The following APP variants were observed in gnomAD, a reference collection of about 807,000 sequenced individuals.
APP encodes amyloid-beta precursor protein.
Under a neutral mutation model 101.4 loss-of-function variants are expected in APP, and 31 were observed. That is an observed-to-expected ratio of 0.31 (90% CI 0.23 to 0.41). The LOEUF (loss-of-function observed/expected upper bound fraction) is 0.41. Among genes scored for constraint, APP ranks in the 10% least tolerant of loss-of-function variants. The probability of loss-of-function intolerance (pLI) is 1.00; values close to 1 mark genes in which losing one functional copy is unlikely to be tolerated. For missense variants in APP, 839 were observed against 1,003.7 expected (o/e 0.84, Z 2.22); for synonymous variants, 366 against 364.4 (o/e 1.00, Z -0.05).
intron 3 of APP, among the ~76,000 whole-genome samples, chr21:26,066,961 A>T (rs1367552218): frequency 6.6e-6 from 1 of 152,240 alleles, no homozygotes; most frequent in Non-Finnish European, 1.5e-5. Context: ...ACATAATTTG[A>T]TAAGAGATCA....
At chr21:26,009,290 T>C (rs2043675108) in intron 6 of APP, among the ~76,000 whole-genome samples, 1 of 152,220 alleles carries the variant, frequency 6.6e-6, no homozygotes, top group Admixed American at 6.5e-5. Flanking sequence ...ACAACTTAAT[T>C]TGAACAGATT....
At chr21:26,021,724 A>G (rs2044346057) in intron 6 of APP, 116 bp downstream of exon 6, 9 of 1,451,800 alleles carry the variant, frequency 6.2e-6, no homozygotes, top group Non-Finnish European at 8.3e-6. Flanking sequence ...CCTTTTGGAA[A>G]AAAAAACATG....
intron 3 of APP, among the ~76,000 whole-genome samples, chr21:26,060,766 A>T (rs1017179806): frequency 6.6e-6 from 1 of 152,216 alleles, no homozygotes; most frequent in Non-Finnish European, 1.5e-5. Context: ...TTCTAGCCAG[A>T]GGAAGCAACA....
intron 6 of APP, chr21:26,009,638 A>G (rs1601194856): frequency 6.9e-6 from 1 of 144,522 alleles, no homozygotes; most frequent in Non-Finnish European, 1.5e-5. Flanking sequence ...CACCCAGGCT[A>G]GAGTACAATG....
intron 1 of APP, among the ~76,000 whole-genome samples, chr21:26,147,332 T>C (rs1056783410): frequency 3.3e-5 from 5 of 152,222 alleles, no homozygotes; most frequent in Admixed American, 2.0e-4. Context: ...GACATGCTGA[T>C]AGCATATAAT....
intron 2 of APP, among the ~76,000 whole-genome samples, chr21:26,097,138 A>G (rs1318334033): frequency 6.6e-6 from 1 of 152,164 alleles, no homozygotes; most frequent in Non-Finnish European, 1.5e-5. Context: ...ATGCTAGTTC[A>G]CTAATTCCCA....
intron 13 of APP, among the ~76,000 whole-genome samples, chr21:25,936,570 G>C (rs192731313): frequency 6.6e-6 from 1 of 152,280 alleles, no homozygotes; most frequent in East Asian, 1.9e-4. Flanking sequence ...AAGAGGAAGA[G>C]ACACCTCTCT....
chr21:25,963,545 T>C (rs551702207), intron 11 of APP, among the ~76,000 whole-genome samples: 1 of 152,290 alleles, frequency 6.6e-6, no homozygotes, highest in South Asian at 2.1e-4. Flanking sequence ...GAGCATTAAA[T>C]TGCACCCTGG....
chr21:26,124,954 A>T (rs1192601177), intron 1 of APP, among the ~76,000 whole-genome samples: 1 of 152,250 alleles, frequency 6.6e-6, no homozygotes, highest in Non-Finnish European at 1.5e-5. Context: ...AGACACAAAT[A>T]AGGCCAAATT....
At chr21:26,032,805 A>AAAATAT (rs1491556765) in intron 5 of APP, among the ~76,000 whole-genome samples, 11 of 124,474 alleles carry the variant, frequency 8.8e-5, no homozygotes, top group African/African-American at 2.3e-4. Context: ...AAAAAAAAAA[A>AAAATAT]ATATATATAT....
intron 6 of APP, 118 bp from the exon 7 acceptor site, chr21:26,000,300 G>C (rs2043237983): frequency 7.9e-7 from 1 of 1,273,112 alleles, no homozygotes; most frequent in Admixed American, 1.9e-5. Flanking sequence ...GGTTTATTAG[G>C]CAGCATCTAC....
intron 5 of APP, among the ~76,000 whole-genome samples, chr21:26,045,492 C>T (rs890309140): frequency 2.0e-5 from 3 of 152,142 alleles, no homozygotes; most frequent in Non-Finnish European, 4.4e-5. Flanking sequence ...TTAAATTCTT[C>T]GTAAAATTAA....
intron 17 of APP, among the ~76,000 whole-genome samples, chr21:25,889,550 G>A (rs1289046329): frequency 6.6e-6 from 1 of 152,162 alleles, no homozygotes; most frequent in Non-Finnish European, 1.5e-5. Context: ...ACTAAAAAGT[G>A]CTCTTGAAGG....
intron 6 of APP, among the ~76,000 whole-genome samples, chr21:26,016,224 G>T (rs1347631859): frequency 6.6e-6 from 1 of 152,074 alleles, no homozygotes; most frequent in African/African-American, 2.4e-5. Context: ...GTGAAGACGG[G>T]GTTTCACCAT....
chr21:25,994,933 T>C (rs932359401), intron 8 of APP, among the ~76,000 whole-genome samples: 2 of 152,348 alleles, frequency 1.3e-5, no homozygotes, highest in African/African-American at 4.8e-5. Flanking sequence ...TGCAAAACCC[T>C]TCACTTGCTG....
chr21:26,140,311 C>T, intron 1 of APP: 1 of 1,530,864 alleles, frequency 6.5e-7, no homozygotes, highest in Non-Finnish European at 8.7e-7. Context: ...CAGGCCAGAG[C>T]TTCCATCCTC....
At chr21:26,000,239 T>C (rs2043235697) in intron 6 of APP, 57 bp from the exon 7 acceptor site, 1 of 1,600,986 alleles carries the variant, frequency 6.2e-7, no homozygotes, top group Non-Finnish European at 8.6e-7. Flanking sequence ...TGTCTCTCTG[T>C]TCATGTATAC....
At chr21:25,941,054 C>T (rs2040555374) in intron 13 of APP, among the ~76,000 whole-genome samples, 1 of 152,162 alleles carries the variant, frequency 6.6e-6, no homozygotes, top group Non-Finnish European at 1.5e-5. Flanking sequence ...TGTTTCAGGA[C>T]ACACAAATGC....
At chr21:26,097,371 TG>T (rs1174299171) in intron 2 of APP, among the ~76,000 whole-genome samples, 5 of 152,258 alleles carry the variant, frequency 3.3e-5, no homozygotes, top group Admixed American at 3.3e-4. Context: ...AGTAAGTGTC[TG>T]ATAAGCATGT....
Sources: allele counts gnomAD v4.1 joint callset (sites outside exome capture counted in the v4.1 genomes callset), GRCh38; gene constraint gnomAD v4.1.1; transcripts MANE v1.5; gene names NCBI Gene and HGNC (gene_info 2026-07-23, HGNC 2026-07-21).